The following SMPX variants were observed in gnomAD, a reference collection of about 807,000 sequenced individuals.
The protein encoded by SMPX is small muscle protein X-linked, also known as small muscular protein.
SMPX carries 2 observed loss-of-function variants against 6.3 expected under a neutral mutation model. The observed-to-expected ratio is 0.32, with a 90% confidence interval of 0.13 to 0.99. SMPX has a LOEUF of 0.99. Among genes scored for constraint, SMPX ranks in the 50% least tolerant of loss-of-function variants. SMPX has a pLI of 0.49. For synonymous variants in SMPX, 32 were observed against 24.7 expected (o/e 1.30, Z -0.88); for missense variants, 60 against 66.8 (o/e 0.90, Z 0.36).
intron 4 of SMPX, among the ~76,000 whole-genome samples, chrX:21,731,727 A>T (rs1381335194): frequency 3.8e-5 from 3 of 79,390 alleles, no homozygotes; most frequent in African/African-American, 5.4e-5. Flanking sequence ...TGTACACATT[A>T]ATGTGTATAT....
chrX:21,708,620 T>A (rs2092775460), intron 4 of SMPX, among the ~76,000 whole-genome samples: 1 of 111,984 alleles, frequency 8.9e-6, no homozygotes, highest in African/African-American at 3.2e-5. Flanking sequence ...ACTAACAAGG[T>A]ATGGATGGTT....
At chrX:21,723,798 T>C (rs994947239) in intron 4 of SMPX, among the ~76,000 whole-genome samples, 2 of 111,715 alleles carry the variant, frequency 1.8e-5, no homozygotes, top group African/African-American at 3.3e-5. Context: ...AAAAAAAGGG[T>C]GCCACACAGG....
intron 1 of SMPX, among the ~76,000 whole-genome samples, chrX:21,756,551 A>T (rs1476362114): frequency 8.9e-6 from 1 of 112,754 alleles, no homozygotes. Flanking sequence ...AAATCAGTTC[A>T]GCAGCGGTTC....
At chrX:21,734,256 A>G (rs142514257) in intron 4 of SMPX, among the ~76,000 whole-genome samples, 1,230 of 111,463 alleles carry the variant, frequency 0.011, 16 homozygotes, top group African/African-American at 0.038. Context: ...CTCTGATCTA[A>G]GGGTCGGGAA....
At chrX:21,731,988 A>G (rs990529469) in intron 4 of SMPX, among the ~76,000 whole-genome samples, 3 of 109,805 alleles carry the variant, frequency 2.7e-5, no homozygotes, top group Non-Finnish European at 3.8e-5. Context: ...TTCTTCCTTC[A>G]TTTGTGTTGG....
chrX:21,733,830 T>C (rs771461926), intron 4 of SMPX: 7 of 312,166 alleles, frequency 2.2e-5, no homozygotes, highest in Non-Finnish European at 3.7e-5. Flanking sequence ...GTTTAAGACG[T>C]AGTGCCTAGA....
intron 3 of SMPX, among the ~76,000 whole-genome samples, chrX:21,741,083 G>A (rs892246829): frequency 1.8e-5 from 2 of 112,015 alleles, no homozygotes; most frequent in Non-Finnish European, 3.8e-5. Context: ...TCTGTGAGCA[G>A]AGCAAAGGTC....
Position 21,743,782 on chromosome X carries a change from T to C in SMPX, c.100A>G (p.Arg34Gly), listed in dbSNP as rs747570937. 15 of 1,207,822 alleles carry C rather than the reference T, an allele frequency of 1.2e-5. No individual in the cohort carries two copies. Among genetic ancestry groups the C allele is most frequent in the Non-Finnish European group, 1.6e-5 (14 of 893,686 alleles). ...AFRPGAGQPP[R>G]RKECTPEVEE... ...ACTTCAGGAGTACATTCTTTTCTTC[T>C]GGGGGGTTGACCTGCTCCTGGCCGA... The change falls in exon 3 of 5, where the codon AGA becomes GGA. Residue 34 changes from arginine (R) to glycine (G), a missense_variant. Coordinates refer to ENST00000379494, the MANE Select transcript of SMPX (RefSeq NM_014332.3).
chrX:21,751,961 C>T (rs747457487), intron 2 of SMPX, among the ~76,000 whole-genome samples: 11 of 112,109 alleles, frequency 9.8e-5, no homozygotes, highest in African/African-American at 3.6e-4. Context: ...ACGAAAATAT[C>T]GGATAGTGCT....
intron 1 of SMPX, among the ~76,000 whole-genome samples, chrX:21,754,578 A>G (rs896675044): frequency 8.9e-6 from 1 of 111,983 alleles, no homozygotes; most frequent in Admixed American, 9.4e-5. Context: ...GAAAGGTGCT[A>G]TCATCTCCTT....
At chrX:21,734,632 A>G (rs144911826) in intron 4 of SMPX, among the ~76,000 whole-genome samples, 1,509 of 110,745 alleles carry the variant, frequency 0.014, 17 homozygotes, top group African/African-American at 0.047. Context: ...CTGGGGCCCC[A>G]TTTGGGACAT....
At position 21,706,009 on chromosome X, in the gene SMPX, C is replaced by A; in HGVS notation, c.*400G>T. On this transcript the variant is annotated 3_prime_UTR_variant, in exon 5 of 5. Transcript: ENST00000379494. ...ATTTAGTCAAATATTTATTTGAACT[C>A]ATACAAAGTTTAGTGACATAATTTA... is the stretch of plus-strand genomic sequence containing the variant. 2.1e-6 allele frequency: 1 copy of A among 479,821 alleles called. No individual in the cohort carries two copies. Among genetic ancestry groups the A allele is most frequent in the South Asian group, 2.9e-5 (1 of 33,906 alleles). 39.5% of individuals were successfully genotyped at this position (479,821 alleles called of 1,213,427 possible).
chrX:21,746,650 GTT>G (rs11420880), intron 2 of SMPX, among the ~76,000 whole-genome samples: 1,894 of 86,367 alleles, frequency 0.022, 33 homozygotes, highest in East Asian at 0.061. Flanking sequence ...ACTTAAATGG[GTT>G]TTTTTTTTTT....
intron 4 of SMPX, among the ~76,000 whole-genome samples, chrX:21,709,059 A>G (rs2092775839): frequency 8.9e-6 from 1 of 112,480 alleles, no homozygotes; most frequent in African/African-American, 3.2e-5. Context: ...ACATCTACCA[A>G]TGGACGTTTA....
At chrX:21,743,729 T>C (rs2147390433) in intron 3 of SMPX, 21 bp downstream of exon 3, 1 of 1,166,279 alleles carries the variant, frequency 8.6e-7, no homozygotes, top group Non-Finnish European at 1.2e-6. Context: ...TGCTGTGTTC[T>C]GAGAGCTGAG....
chrX:21,710,270 C>A (rs780817418), intron 4 of SMPX, among the ~76,000 whole-genome samples: 1 of 111,892 alleles, frequency 8.9e-6, no homozygotes, highest in Non-Finnish European at 1.9e-5. Context: ...TTGGATGGAG[C>A]TGAAGGTCAT....
At chrX:21,721,193 C>T (rs2092791346) in intron 4 of SMPX, among the ~76,000 whole-genome samples, 1 of 111,639 alleles carries the variant, frequency 9.0e-6, no homozygotes, top group Non-Finnish European at 1.9e-5. Flanking sequence ...GAATATGACT[C>T]TATATATTGC....
intron 1 of SMPX, among the ~76,000 whole-genome samples, chrX:21,756,809 A>G (rs2092833486): frequency 8.9e-6 from 1 of 112,618 alleles, no homozygotes; most frequent in Non-Finnish European, 1.9e-5. Context: ...ACAGCACTCA[A>G]TTACTACGTC....
chrX:21,754,981 CAAGGAGGCA>C (rs1162825927), intron 1 of SMPX, among the ~76,000 whole-genome samples: 1 of 112,434 alleles, frequency 8.9e-6, no homozygotes, highest in Non-Finnish European at 1.9e-5. Flanking sequence ...ACTTTTCTTT[CAAGGAGGCA>C]AGGAAGATTT....
Sources: allele counts gnomAD v4.1 joint callset (sites outside exome capture counted in the v4.1 genomes callset), GRCh38; gene constraint gnomAD v4.1.1; transcripts MANE v1.5; gene names NCBI Gene and HGNC (gene_info 2026-07-23, HGNC 2026-07-21).